Variants in CABIN1 observed in about 807,000 individuals in gnomAD.
CABIN1 encodes calcineurin binding protein 1.
A neutral mutation model predicts 227.7 loss-of-function variants in CABIN1; 133 were observed. That is an observed-to-expected ratio of 0.58 (90% confidence interval 0.51 to 0.67). The LOEUF is 0.67. Among genes scored for constraint, CABIN1 ranks in the 30% least tolerant of loss-of-function variants. The pLI, the probability that CABIN1 is intolerant of heterozygous loss-of-function variation, is 0.00. For missense variants in CABIN1, 2,408 were observed against 2,852.5 expected (o/e 0.84, Z 3.55); for synonymous variants, 1,086 against 1,155.1 (o/e 0.94, Z 1.21).
rs1366991587 is a variant in CABIN1, at chr22:24,085,110, C to T, written c.3222C>T (p.Ala1074=). ...YHFKNKEQSK[A]IKFYMHDICI... ...TCAAAAACAAGGAGCAGTCCAAGGC[C>T]ATCAAGTTCTACATGCATGACATCT... Residue 1074 remains alanine (A), a synonymous_variant, in exon 22 of 37, where the codon GCC becomes GCT. Transcript: ENST00000263119. 1 of 1,614,212 alleles carries T rather than the reference C, an allele frequency of 6.2e-7. No individual in the cohort carries two copies. Among genetic ancestry groups the T allele is most frequent in the Non-Finnish European group, 8.5e-7 (1 of 1,180,032 alleles).
chr22:24,172,062 G>T (rs1245013085), intron 34 of CABIN1, 67 bp downstream of exon 34: 1 of 1,547,868 alleles, frequency 6.5e-7, no homozygotes, highest in African/African-American at 1.4e-5. Context: ...CCTGCGGGGA[G>T]AGTGTGAGTA....
chr22:24,113,668 A>C lies in CABIN1; in HGVS notation c.4220A>C (p.Tyr1407Ser). 6.2e-7 allele frequency: 1 copy of C among 1,614,158 alleles called. No individual in the cohort carries two copies. Among genetic ancestry groups the C allele is most frequent in the Non-Finnish European group, 8.5e-7 (1 of 1,180,034 alleles). Residue 1407 changes from tyrosine (Y) to serine (S), a missense_variant, in exon 27 of 37, where the codon TAC becomes TCC. Tyr to Ser is a moderately radical substitution (Grantham distance 144, BLOSUM62 -2). Coordinates refer to ENST00000263119, the MANE Select transcript of CABIN1 (RefSeq NM_012295.4). ...TSLLEGSRKS[Y>S]TEKRLPILSS... The stretch of plus-strand genomic sequence containing the variant: ...TTACTGGAAGGCTCCAGGAAATCCT[A>C]CACAGAGAAGAGGCTGCCCATTCTC...
At chr22:24,095,138 C>T (rs542686475) in intron 24 of CABIN1, among the ~76,000 whole-genome samples, 26 of 152,330 alleles carry the variant, frequency 1.7e-4, no homozygotes, top group Admixed American at 6.5e-4. Flanking sequence ...CTTGAGAGTG[C>T]TGCCAGCAGG....
chr22:24,156,366 TG>T (rs1470098694), intron 29 of CABIN1, among the ~76,000 whole-genome samples: 1 of 151,710 alleles, frequency 6.6e-6, no homozygotes, highest in Non-Finnish European at 1.5e-5. Flanking sequence ...CAGCGTCAGG[TG>T]GGCGGCCAAG....
chr22:24,058,730 G>A (rs555844534), intron 10 of CABIN1, among the ~76,000 whole-genome samples: 21 of 152,336 alleles, frequency 1.4e-4, no homozygotes, highest in African/African-American at 4.6e-4. Flanking sequence ...TCTTTGTATT[G>A]CAAGCCCTTC....
chr22:24,045,176 G>A (rs932026028), intron 6 of CABIN1, among the ~76,000 whole-genome samples: 1 of 152,168 alleles, frequency 6.6e-6, no homozygotes, highest in Non-Finnish European at 1.5e-5. Context: ...CGCCCGCCTT[G>A]GCCTCCCAAA....
chr22:24,107,310 A>C (rs997622280), intron 26 of CABIN1, among the ~76,000 whole-genome samples: 1 of 152,214 alleles, frequency 6.6e-6, no homozygotes, highest in Non-Finnish European at 1.5e-5. Flanking sequence ...GGGTTTGTCT[A>C]GAATCACCAC....
chr22:24,094,553 C>T (rs1427766817), intron 24 of CABIN1, among the ~76,000 whole-genome samples: 1 of 151,566 alleles, frequency 6.6e-6, no homozygotes, highest in Non-Finnish European at 1.5e-5. Context: ...CGCGGTGGCT[C>T]ACGCCTGTAA....
intron 26 of CABIN1, among the ~76,000 whole-genome samples, chr22:24,099,137 G>C (rs544833793): frequency 2.7e-4 from 41 of 151,574 alleles, no homozygotes; most frequent in Non-Finnish European, 4.1e-4. Context: ...GTACAGGTCT[G>C]GGGGGGGCCA....
intron 29 of CABIN1, among the ~76,000 whole-genome samples, chr22:24,149,979 T>C (rs1448749309): frequency 6.6e-6 from 1 of 152,134 alleles, no homozygotes; most frequent in Non-Finnish European, 1.5e-5. Flanking sequence ...CTCGGCCTGA[T>C]GGGGAAGGAA....
At chr22:24,072,555 G>A in intron 18 of CABIN1, 45 bp downstream of exon 18, 1 of 1,612,070 alleles carries the variant, frequency 6.2e-7, no homozygotes. Context: ...TGACTCCCAT[G>A]TCCTTGCCCC....
chr22:24,119,845 C>T (rs2043298557), intron 28 of CABIN1, 147 bp downstream of exon 28: 1 of 863,928 alleles, frequency 1.2e-6, no homozygotes, highest in East Asian at 2.5e-5. Context: ...GGAGGCAGGG[C>T]CAGCCCCAGG....
chr22:24,115,812 A>T (rs191962787), intron 27 of CABIN1, among the ~76,000 whole-genome samples: 2 of 152,264 alleles, frequency 1.3e-5, no homozygotes, highest in East Asian at 3.9e-4. Context: ...TTCCCAGCAC[A>T]CCCTCATGGA....
chr22:24,023,752 G>A (rs1040652928), intron 1 of CABIN1, among the ~76,000 whole-genome samples: 1 of 112,602 alleles, frequency 8.9e-6, no homozygotes, highest in Non-Finnish European at 1.9e-5. Context: ...TTTTTTTTTT[G>A]AGATGGAGAC....
intron 1 of CABIN1, among the ~76,000 whole-genome samples, chr22:24,015,928 A>AGCCAGGGCGACAGGGCGAG (rs1302414038): frequency 6.6e-6 from 1 of 152,196 alleles, no homozygotes; most frequent in African/African-American, 2.4e-5. Context: ...ACTGCACTCC[A>AGCCAGGGCGACAGGGCGAG]GCCAGGGCGA....
chr22:24,064,987 G>C (rs1233978380), intron 15 of CABIN1, among the ~76,000 whole-genome samples: 78 of 152,094 alleles, frequency 5.1e-4, no homozygotes, highest in African/African-American at 1.8e-3. Flanking sequence ...TCTATTCCAC[G>C]AAACTGCCAT....
intron 12 of CABIN1, 101 bp downstream of exon 12, chr22:24,060,242 T>A: frequency 8.6e-7 from 1 of 1,157,596 alleles, no homozygotes; most frequent in Non-Finnish European, 1.3e-6. Flanking sequence ...TGGCTGCATC[T>A]ACTTGTGGGC....
intron 28 of CABIN1, among the ~76,000 whole-genome samples, chr22:24,123,884 A>G (rs1364210384): frequency 6.6e-6 from 1 of 152,188 alleles, no homozygotes. Flanking sequence ...GGTGGACTGG[A>G]GCATCCGATG....
In CABIN1 at chr22:24,043,103, CT is replaced by C; in HGVS notation, c.526+22del. On this transcript the variant is annotated intron_variant, in intron 6 of 36. Coordinates refer to ENST00000263119, the MANE Select transcript of CABIN1 (RefSeq NM_012295.4). ...TACACAAGTGAGTCATGCTTTGATG[CT>C]TTCTTCCATGTGCCAGTGGTTTTTG... The C allele has an allele frequency of 6.2e-7, 1 of 1,611,872 alleles. No homozygotes were observed. Among genetic ancestry groups the C allele is most frequent in the Non-Finnish European group, 8.5e-7 (1 of 1,178,230 alleles).
Sources: allele counts gnomAD v4.1 joint callset (sites outside exome capture counted in the v4.1 genomes callset), GRCh38; gene constraint gnomAD v4.1.1; transcripts MANE v1.5; gene names NCBI Gene and HGNC (gene_info 2026-07-23, HGNC 2026-07-21).